Variants in MAST4 observed in about 807,000 individuals in gnomAD.
MAST4 encodes the protein microtubule associated serine/threonine kinase family member 4, also known as microtubule-associated serine/threonine-protein kinase 4.
In MAST4, 89 loss-of-function variants were observed where a neutral mutation model predicts 162.7. That is an observed-to-expected ratio of 0.55 (90% CI 0.46 to 0.65). MAST4 has a LOEUF of 0.65. Ranked by LOEUF, MAST4 falls within the 30% of genes least tolerant of loss-of-function variation. The pLI is 0.00. For missense variants in MAST4, 3,153 were observed against 3,374.0 expected (o/e 0.93, Z 1.62); for synonymous variants, 1,479 against 1,361.1 (o/e 1.09, Z -1.91).
intron 1 of MAST4, among the ~76,000 whole-genome samples, chr5:66,637,696 A>G (rs772864530): frequency 6.6e-6 from 1 of 152,030 alleles, no homozygotes; most frequent in South Asian, 2.1e-4. Flanking sequence ...GTTTTGATAT[A>G]TCTTCTTTTT....
chr5:66,638,285 C>T (rs922820412), intron 1 of MAST4, among the ~76,000 whole-genome samples: 86 of 152,158 alleles, frequency 5.7e-4, no homozygotes, highest in African/African-American at 1.9e-3. Context: ...AAAATGCAGA[C>T]GCATGGTCCG....
intron 1 of MAST4, among the ~76,000 whole-genome samples, chr5:66,737,056 G>C (rs1757697142): frequency 6.6e-6 from 1 of 152,186 alleles, no homozygotes; most frequent in Non-Finnish European, 1.5e-5. Flanking sequence ...ACCTTTTCCT[G>C]TGTAAGAAAT....
At chr5:67,129,655 C>A (rs1768695344) in intron 14 of MAST4, among the ~76,000 whole-genome samples, 1 of 150,756 alleles carries the variant, frequency 6.6e-6, no homozygotes. Context: ...AACCAGGAGT[C>A]AGAGGTTGCA....
At chr5:67,074,308 A>C (rs988306566) in intron 5 of MAST4, among the ~76,000 whole-genome samples, 1 of 152,146 alleles carries the variant, frequency 6.6e-6, no homozygotes, top group Non-Finnish European at 1.5e-5. Context: ...TTCATTTCTG[A>C]TGATGGTATA....
chr5:66,634,712 A>G (rs1744996682), intron 1 of MAST4, among the ~76,000 whole-genome samples: 6 of 152,206 alleles, frequency 3.9e-5, no homozygotes, highest in African/African-American at 1.2e-4. Context: ...GCAATGAGCA[A>G]TGGAAGTTGT....
At chr5:66,887,615 T>G (rs1426445893) in intron 3 of MAST4, among the ~76,000 whole-genome samples, 1 of 152,224 alleles carries the variant, frequency 6.6e-6, no homozygotes, top group Non-Finnish European at 1.5e-5. Context: ...ACCCTGACCT[T>G]GGGCAAATCG....
At chr5:66,724,231 C>T (rs1044127689) in intron 1 of MAST4, among the ~76,000 whole-genome samples, 9 of 152,054 alleles carry the variant, frequency 5.9e-5, no homozygotes, top group Non-Finnish European at 1.2e-4. Flanking sequence ...ACATTTGATT[C>T]GTGATATTTT....
intron 18 of MAST4, among the ~76,000 whole-genome samples, chr5:67,134,895 T>G (rs920852877): frequency 1.1e-4 from 17 of 152,218 alleles, no homozygotes; most frequent in African/African-American, 4.1e-4. Context: ...GAAGAAATGT[T>G]GTTAACATAG....
chr5:66,795,939 G>A (rs1755625714), intron 3 of MAST4, among the ~76,000 whole-genome samples: 1 of 152,192 alleles, frequency 6.6e-6, no homozygotes, highest in Non-Finnish European at 1.5e-5. Context: ...TATTCGAGGA[G>A]TAATACATCT....
At chr5:66,686,280 C>T (rs1748649701) in intron 1 of MAST4, among the ~76,000 whole-genome samples, 1 of 152,088 alleles carries the variant, frequency 6.6e-6, no homozygotes. Flanking sequence ...GAACAGTACC[C>T]AGCACAGTAA....
chr5:66,945,851 A>G (rs115191898), intron 4 of MAST4, among the ~76,000 whole-genome samples: 7 of 152,154 alleles, frequency 4.6e-5, no homozygotes. Flanking sequence ...CTTGCACAGC[A>G]GGTTATGTGC....
intron 4 of MAST4, among the ~76,000 whole-genome samples, chr5:67,010,423 C>G (rs1374663483): frequency 6.6e-6 from 1 of 152,080 alleles, no homozygotes; most frequent in Non-Finnish European, 1.5e-5. Context: ...AAAGAGCCAT[C>G]ATGGGAGGAG....
At chr5:66,984,209 C>A (rs1311187458) in intron 4 of MAST4, among the ~76,000 whole-genome samples, 2 of 152,184 alleles carry the variant, frequency 1.3e-5, no homozygotes, top group Non-Finnish European at 2.9e-5. Context: ...TTCTTTCTTC[C>A]TGAAGGAGTG....
At chr5:67,054,910 T>C (rs1758615671) in intron 5 of MAST4, among the ~76,000 whole-genome samples, 1 of 152,198 alleles carries the variant, frequency 6.6e-6, no homozygotes, top group Non-Finnish European at 1.5e-5. Context: ...ACAGTGAAGA[T>C]TTAAGAGAGA....
At chr5:67,016,907 T>C (rs139571545) in intron 4 of MAST4, among the ~76,000 whole-genome samples, 10 of 152,360 alleles carry the variant, frequency 6.6e-5, no homozygotes, top group African/African-American at 2.4e-4. Context: ...AAATTCTTTC[T>C]GATTATGGAT....
At chr5:66,862,965 G>C (rs906789763) in intron 3 of MAST4, among the ~76,000 whole-genome samples, 1 of 152,190 alleles carries the variant, frequency 6.6e-6, no homozygotes, top group African/African-American at 2.4e-5. Flanking sequence ...AGTGGATTCT[G>C]TACAGAATGG....
At chr5:66,687,650 AT>A (rs1561262778) in intron 1 of MAST4, among the ~76,000 whole-genome samples, 5 of 150,644 alleles carry the variant, frequency 3.3e-5, no homozygotes, top group African/African-American at 1.2e-4. Context: ...CTATCTATCT[AT>A]CTATCTATCT....
intron 4 of MAST4, among the ~76,000 whole-genome samples, chr5:67,033,457 G>T (rs968129856): frequency 6.6e-6 from 1 of 151,208 alleles, no homozygotes; most frequent in Non-Finnish European, 1.5e-5. Flanking sequence ...TGCAACATAG[G>T]CATAGGCAGG....
chr5:67,120,659 C>G (rs1767473192), intron 13 of MAST4, among the ~76,000 whole-genome samples: 1 of 152,114 alleles, frequency 6.6e-6, no homozygotes, highest in South Asian at 2.1e-4. Flanking sequence ...CCACTCCGGC[C>G]CATTCTTTTT....
Sources: allele counts gnomAD v4.1 joint callset (sites outside exome capture counted in the v4.1 genomes callset), GRCh38; gene constraint gnomAD v4.1.1; transcripts MANE v1.5; gene names NCBI Gene and HGNC (gene_info 2026-07-23, HGNC 2026-07-21).